CUX1: variants seen among roughly 807,000 people sequenced by gnomAD.
CUX1 encodes the protein protein CASP.
CUX1 carries 31 observed loss-of-function variants against 158.8 expected under a neutral mutation model. That is an observed-to-expected ratio of 0.20 (90% CI 0.15 to 0.26). CUX1 has a LOEUF of 0.26. Among genes scored for constraint, CUX1 ranks in the 10% least tolerant of loss-of-function variants. The pLI is 1.00. For missense variants in CUX1, 1,589 were observed against 2,014.6 expected (o/e 0.79, Z 4.04); for synonymous variants, 879 against 862.1 (o/e 1.02, Z -0.34).
intron 22 of CUX1, 23 bp downstream of exon 22, chr7:102,234,263 G>C: frequency 6.7e-7 from 1 of 1,491,490 alleles, no homozygotes; most frequent in Non-Finnish European, 8.9e-7. Context: ...GCCCCGCCCG[G>C]GCCGGCTGCG....
chr7:101,969,656 G>C (rs1382685772), intron 2 of CUX1, among the ~76,000 whole-genome samples: 1 of 152,116 alleles, frequency 6.6e-6, no homozygotes, highest in Non-Finnish European at 1.5e-5. Context: ...GTGAAGCAGA[G>C]ACCAAAATAG....
chr7:101,954,566 T>G (rs1020770305), intron 2 of CUX1, among the ~76,000 whole-genome samples: 3 of 152,190 alleles, frequency 2.0e-5, no homozygotes, highest in Admixed American at 1.3e-4. Context: ...CCCAGCACTT[T>G]GGGAGGCCGA....
intron 2 of CUX1, among the ~76,000 whole-genome samples, chr7:101,927,810 C>T (rs1165007313): frequency 6.6e-6 from 1 of 152,230 alleles, no homozygotes; most frequent in East Asian, 1.9e-4. Context: ...TAACGAGGAG[C>T]TAATCTCCCA....
chr7:102,032,371 G>A (rs1165746194), intron 3 of CUX1, among the ~76,000 whole-genome samples: 1 of 151,946 alleles, frequency 6.6e-6, no homozygotes, highest in Non-Finnish European at 1.5e-5. Context: ...AGACCAGCCT[G>A]GTCAATATAG....
intron 1 of CUX1, among the ~76,000 whole-genome samples, chr7:101,873,993 C>T (rs962407016): frequency 6.6e-6 from 1 of 152,210 alleles, no homozygotes; most frequent in African/African-American, 2.4e-5. Flanking sequence ...AGTAAAGAGG[C>T]CCACAGTGCC....
At chr7:102,144,620 A>G (rs1585891181) in intron 8 of CUX1, among the ~76,000 whole-genome samples, 1 of 149,890 alleles carries the variant, frequency 6.7e-6, no homozygotes, top group African/African-American at 2.5e-5. Flanking sequence ...GCAGTGAGCT[A>G]TGATCACACC....
At chr7:102,059,015 A>G (rs1217529796) in intron 3 of CUX1, among the ~76,000 whole-genome samples, 1 of 152,230 alleles carries the variant, frequency 6.6e-6, no homozygotes, top group Non-Finnish European at 1.5e-5. Flanking sequence ...AGCCTGCTGC[A>G]GGCAGGTTTC....
intron 4 of CUX1, among the ~76,000 whole-genome samples, chr7:102,086,088 T>A (rs529653164): frequency 6.6e-6 from 1 of 152,320 alleles, no homozygotes; most frequent in African/African-American, 2.4e-5. Flanking sequence ...CTTTTAAATA[T>A]CTGTAGGATG....
intron 1 of CUX1, among the ~76,000 whole-genome samples, chr7:101,910,708 G>A (rs1803327890): frequency 6.7e-6 from 1 of 149,758 alleles, no homozygotes; most frequent in African/African-American, 2.5e-5. Flanking sequence ...GATCACACCA[G>A]CGCACCCCAG....
At chr7:101,923,886 A>G (rs186786435) in intron 2 of CUX1, among the ~76,000 whole-genome samples, 178 of 152,318 alleles carry the variant, frequency 1.2e-3, no homozygotes, top group Non-Finnish European at 1.9e-3. Context: ...CTGGGTGCCA[A>G]CATCTTCCTC....
intron 3 of CUX1, among the ~76,000 whole-genome samples, chr7:102,064,834 C>T (rs898843236): frequency 6.6e-6 from 1 of 152,228 alleles, no homozygotes; most frequent in African/African-American, 2.4e-5. Context: ...CAGGCTCCCT[C>T]CCTCCCTCTA....
chr7:101,842,268 GA>G (rs952635515), intron 1 of CUX1, among the ~76,000 whole-genome samples: 43 of 152,178 alleles, frequency 2.8e-4, no homozygotes, highest in Admixed American at 1.6e-3. Flanking sequence ...TTTTTGAGTA[GA>G]AAAAAACGTT....
At chr7:102,004,122 A>AG (rs1817040362) in intron 2 of CUX1, among the ~76,000 whole-genome samples, 1 of 152,242 alleles carries the variant, frequency 6.6e-6, no homozygotes, top group South Asian at 2.1e-4. Context: ...AAGGTGGACC[A>AG]GGTGAGCTAT....
At chr7:102,135,786 C>T (rs1554498590) in intron 8 of CUX1, among the ~76,000 whole-genome samples, 1 of 151,936 alleles carries the variant, frequency 6.6e-6, no homozygotes, top group African/African-American at 2.4e-5. Context: ...ACCAGCCTGG[C>T]CAAGATGGTG....
At chr7:101,941,200 A>G (rs1385864891) in intron 2 of CUX1, among the ~76,000 whole-genome samples, 1 of 152,154 alleles carries the variant, frequency 6.6e-6, no homozygotes, top group Non-Finnish European at 1.5e-5. Context: ...CTGCCTGGGG[A>G]ACTCACTGGG....
chr7:101,877,659 C>T (rs1330661629), intron 1 of CUX1, among the ~76,000 whole-genome samples: 1 of 152,062 alleles, frequency 6.6e-6, no homozygotes, highest in African/African-American at 2.4e-5. Flanking sequence ...TGCACTCCAG[C>T]CTGGGTGACA....
intron 2 of CUX1, among the ~76,000 whole-genome samples, chr7:101,946,196 C>T (rs1367454613): frequency 6.6e-6 from 1 of 152,016 alleles, no homozygotes; most frequent in Non-Finnish European, 1.5e-5. Context: ...TCTCTGGACC[C>T]GGGTCAGGAA....
chr7:101,897,129 C>T lies in CUX1; in HGVS notation c.31-18986C>T, dbSNP rs151276093. ...AAGCAAACTATTTAGGACGCATCTG[C>T]GAAGCAGGAAGTGTGTTTCATTTTG... On this transcript the variant is annotated intron_variant, in intron 1 of 23. Coordinates refer to ENST00000292535, the MANE Select transcript of CUX1 (RefSeq NM_181552.4). Among the ~76,000 whole-genome samples the T allele has an allele frequency of 6.5e-3, 984 of 152,318 alleles. 14 individuals carry two copies. Among genetic ancestry groups the T allele is most frequent in the African/African-American group, 0.022 (902 of 41,568 alleles).
intron 7 of CUX1, among the ~76,000 whole-genome samples, chr7:102,114,266 A>C (rs546753264): frequency 6.6e-6 from 1 of 152,158 alleles, no homozygotes; most frequent in African/African-American, 2.4e-5. Flanking sequence ...CGTAAAATAC[A>C]CTTTCTTTTA....
Sources: allele counts gnomAD v4.1 joint callset (sites outside exome capture counted in the v4.1 genomes callset), GRCh38; gene constraint gnomAD v4.1.1; transcripts MANE v1.5; gene names NCBI Gene and HGNC (gene_info 2026-07-23, HGNC 2026-07-21).